SPRR1A: variants seen among roughly 807,000 people sequenced by gnomAD.
SPRR1A encodes cornifin-A.
For missense variants in SPRR1A, 123 were observed against 105.4 expected, an observed-to-expected ratio of 1.17 and a Z score of -0.73; for synonymous variants, 40 against 39.2, an observed-to-expected ratio of 1.02 and a Z score of -0.07.
At chr1:152,985,677 C>T (rs191892009), downstream of SPRR1A, among the ~76,000 whole-genome samples, 174 of 152,310 alleles carry the variant, frequency 1.1e-3, 1 homozygote, top group African/African-American at 4.1e-3. Context: ...CTGGAGGGCT[C>T]CTGAGCCTCT....
downstream of SPRR1A, chr1:152,985,636 C>A: frequency 7.0e-7 from 1 of 1,426,276 alleles, no homozygotes; most frequent in South Asian, 1.5e-5. Flanking sequence ...CGCTCCTTTG[C>A]ACCTCTAAAA....
chr1:152,985,384 A>G, exon 1 of SPRR1A: 1 of 1,573,110 alleles, frequency 6.4e-7, no homozygotes, highest in Non-Finnish European at 8.7e-7. Context: ...CTGCCACCCC[A>G]AAGTGCCTGA....
upstream of SPRR1A, among the ~76,000 whole-genome samples, chr1:152,984,762 G>C (rs2101559919): frequency 6.6e-6 from 1 of 152,102 alleles, no homozygotes; most frequent in African/African-American, 2.4e-5. Context: ...AAAGCATTTG[G>C]AAGGGACTGT....
upstream of SPRR1A, among the ~76,000 whole-genome samples, chr1:152,984,279 T>C (rs1420644649): frequency 6.6e-6 from 1 of 152,204 alleles, no homozygotes; most frequent in African/African-American, 2.4e-5. Flanking sequence ...AATTACAGTC[T>C]GGATTTGAAA....
exon 1 of SPRR1A, chr1:152,985,461 C>G (rs1326424022): frequency 1.2e-6 from 2 of 1,613,752 alleles, no homozygotes; most frequent in African/African-American, 2.7e-5. Flanking sequence ...CTTCAACGGT[C>G]ACTCCAGCAC....
upstream of SPRR1A, chr1:152,985,229 G>A: frequency 6.3e-7 from 1 of 1,599,754 alleles, no homozygotes; most frequent in Non-Finnish European, 8.5e-7. Flanking sequence ...CACATTTGAA[G>A]CATGAATTCT....
chr1:152,985,780 C>CCTAGT (rs1213627339), downstream of SPRR1A, among the ~76,000 whole-genome samples: 3 of 152,120 alleles, frequency 2.0e-5, no homozygotes, highest in Non-Finnish European at 2.9e-5. Flanking sequence ...GTGAACCATC[C>CCTAGT]CTAGTCTTCC....
At chr1:152,984,432 T>TC (rs538907945), upstream of SPRR1A, among the ~76,000 whole-genome samples, 173 of 152,050 alleles carry the variant, frequency 1.1e-3, no homozygotes, top group African/African-American at 4.0e-3. Flanking sequence ...CACTGCAATT[T>TC]CCCCCTGACA....
rs138858204 is a variant in SPRR1A, at chr1:152,985,320, G to T, written c.90G>T (p.Gln30His). The T allele has an allele frequency of 8.2e-5, 133 of 1,613,592 alleles. No individual in the cohort carries two copies. The highest frequency in any genetic ancestry group is 1.6e-4 in the Middle Eastern group (1 of 6,084). The change falls in exon 1 of 1, where the codon CAG becomes CAT. Residue 30 changes from glutamine to histidine, a missense_variant. Coordinates refer to ENST00000368762, the Ensembl canonical transcript of SPRR1A. The stretch of plus-strand genomic sequence containing the variant: ...AACAACCTTGCCAGCCTCCACCCCA[G>T]GAACCATGCATCCCCAAAACCAAGG...
upstream of SPRR1A, among the ~76,000 whole-genome samples, chr1:152,984,278 C>A (rs1163363779): frequency 6.6e-6 from 1 of 152,098 alleles, no homozygotes; most frequent in Non-Finnish European, 1.5e-5. Flanking sequence ...AAATTACAGT[C>A]TGGATTTGAA....
chr1:152,985,505 G>A (rs757658673), downstream of SPRR1A: 1 of 1,610,172 alleles, frequency 6.2e-7, no homozygotes, highest in South Asian at 1.1e-5. Flanking sequence ...AAGTAATGTG[G>A]TCCACAGCCA....
chr1:152,985,167 C>T, upstream of SPRR1A: 2 of 1,532,286 alleles, frequency 1.3e-6, no homozygotes, highest in Non-Finnish European at 1.8e-6. Context: ...GAATTTGTAT[C>T]CATCTTTCTT....
chr1:152,985,210 AG>A (rs1652268425), upstream of SPRR1A: 3 of 1,574,920 alleles, frequency 1.9e-6, no homozygotes, highest in Non-Finnish European at 2.6e-6. Context: ...TTCTGTCTCT[AG>A]AAAAAAACAC....
chr1:152,984,748 A>C (rs1007181365), upstream of SPRR1A, among the ~76,000 whole-genome samples: 2 of 151,988 alleles, frequency 1.3e-5, no homozygotes, highest in East Asian at 3.9e-4. Context: ...CAGAGATGGG[A>C]AGAAAAGCAT....
exon 1 of SPRR1A, chr1:152,985,446 C>T: frequency 1.2e-6 from 2 of 1,613,924 alleles, no homozygotes; most frequent in Middle Eastern, 1.6e-4. Context: ...TGCCTGAGCC[C>T]TGCCCTTCAA....
upstream of SPRR1A, among the ~76,000 whole-genome samples, chr1:152,984,318 C>A (rs1652238587): frequency 6.6e-6 from 1 of 152,132 alleles, no homozygotes. Context: ...GGGCTCCCAC[C>A]TCAGTAGATA....
chr1:152,985,284 G>A (rs1269102134), exon 1 of SPRR1A: 11 of 1,613,684 alleles, frequency 6.8e-6, no homozygotes, highest in African/African-American at 1.3e-5. Flanking sequence ...AGCCTCAGCA[G>A]CAGCAGGTGA....
chr1:152,985,256 C>T, exon 1 of SPRR1A: 1 of 1,613,074 alleles, frequency 6.2e-7, no homozygotes. Context: ...CAGAAGCAGC[C>T]TTGCACCCCA....
upstream of SPRR1A, chr1:152,985,083 A>C (rs903764708): frequency 1.7e-6 from 2 of 1,152,826 alleles, no homozygotes; most frequent in Non-Finnish European, 2.4e-6. Flanking sequence ...TCATTTTTAA[A>C]TGTAATGGGG....
Sources: gnomAD v4.1 joint callset for allele counts (sites outside exome capture counted in the v4.1 genomes callset) on GRCh38, gnomAD v4.1.1 for gene constraint, MANE v1.5 for transcripts, NCBI Gene and HGNC (gene_info 2026-07-23, HGNC 2026-07-21) for gene names.